The following NHLRC2 variants were observed in gnomAD, a reference collection of about 807,000 sequenced individuals.
NHLRC2 encodes NHL repeat containing 2, also known as NHL repeat-containing protein 2.
A neutral mutation model predicts 68.1 loss-of-function variants in NHLRC2; 33 were observed. That is an observed-to-expected ratio of 0.48 (90% CI 0.37 to 0.65). The LOEUF (loss-of-function observed/expected upper bound fraction) is 0.65. Ranked by LOEUF, NHLRC2 falls within the 30% of genes least tolerant of loss-of-function variation. The pLI, the probability that NHLRC2 is intolerant of heterozygous loss-of-function variation, is 0.00. For synonymous variants in NHLRC2, 311 were observed against 309.6 expected, an observed-to-expected ratio of 1.00 and a Z score of -0.05; for missense variants, 761 against 853.8, an observed-to-expected ratio of 0.89 and a Z score of 1.35.
chr10:113,881,070 G>T (rs1412661332), intron 4 of NHLRC2, among the ~76,000 whole-genome samples: 2 of 151,668 alleles, frequency 1.3e-5, no homozygotes, highest in African/African-American at 2.4e-5. Context: ...GGGAAAAGTG[G>T]TTTTTTAAAT....
In NHLRC2 at chr10:113,910,707, A is replaced by T. The variant is rs998300017; in HGVS notation, c.*2171A>T. 5 of 152,212 alleles carry T rather than the reference A, an allele frequency of 3.3e-5. No individual in the cohort carries two copies. Among genetic ancestry groups the T allele is most frequent in the Non-Finnish European group, 5.9e-5 (4 of 68,034 alleles). The allele number at this position is 152,212 out of a possible 1,614,324, so 9.4% of individuals were successfully genotyped here. ...ATAATATACAAACACAGTGTTTGTT[A>T]TACATGTTCATGTACAGTGAAAATG... On this transcript the variant is annotated 3_prime_UTR_variant, in exon 11 of 11. Transcript: ENST00000369301.
At chr10:113,866,402 A>G (rs1004532173) in intron 2 of NHLRC2, among the ~76,000 whole-genome samples, 2 of 152,294 alleles carry the variant, frequency 1.3e-5, no homozygotes, top group Non-Finnish European at 2.9e-5. Flanking sequence ...CATTAATGGT[A>G]TGTTATTATG....
intron 2 of NHLRC2, among the ~76,000 whole-genome samples, chr10:113,866,414 A>G (rs959866328): frequency 2.0e-5 from 3 of 152,192 alleles, no homozygotes; most frequent in Admixed American, 2.0e-4. Flanking sequence ...GTTATTATGT[A>G]GTACTGAAAT....
At chr10:113,887,301 C>A (rs930689395) in intron 5 of NHLRC2, among the ~76,000 whole-genome samples, 6 of 152,070 alleles carry the variant, frequency 3.9e-5, no homozygotes, top group African/African-American at 1.4e-4. Flanking sequence ...ATGGAGGTGG[C>A]TGAAAAAACT....
rs1846363696 is a variant in NHLRC2, at chr10:113,914,572, TG to T, written c.*6037del. On this transcript the variant is annotated 3_prime_UTR_variant, in exon 11 of 11. Transcript: ENST00000369301. ...CAGACTTAACTTTTCATTCTTAGTGTGCTAATTAAGTAGTAGTATGGTGCAG... is the reference window on the plus strand; with the variant it reads ...CAGACTTAACTTTTCATTCTTAGTGTCTAATTAAGTAGTAGTATGGTGCAG... 1 of 192,442 alleles carries T rather than the reference TG, an allele frequency of 5.2e-6. No homozygotes were observed. The highest frequency in any genetic ancestry group is 5.4e-5 in the Admixed American group (1 of 18,530). 11.9% of individuals were successfully genotyped at this position (192,442 alleles called of 1,614,324 possible).
At chr10:113,896,650 A>G (rs1398293403) in intron 5 of NHLRC2, among the ~76,000 whole-genome samples, 1 of 152,106 alleles carries the variant, frequency 6.6e-6, no homozygotes, top group Non-Finnish European at 1.5e-5. Context: ...CATGTACCCT[A>G]AAACTTAAAG....
At chr10:113,861,621 CATT>C (rs369502519) in intron 2 of NHLRC2, among the ~76,000 whole-genome samples, 16 of 152,232 alleles carry the variant, frequency 1.1e-4, no homozygotes, top group African/African-American at 3.6e-4. Context: ...TAAGGGAGTT[CATT>C]AATAGACCTG....
chr10:113,877,808 GTTATTC>G (rs1317935575), intron 3 of NHLRC2, among the ~76,000 whole-genome samples: 3 of 152,138 alleles, frequency 2.0e-5, no homozygotes, highest in African/African-American at 4.8e-5. Flanking sequence ...ATGCCCTGAT[GTTATTC>G]TTAATATACC....
chr10:113,879,599 A>G lies in NHLRC2; in HGVS notation c.813A>G (p.Gly271=). 6.2e-7 allele frequency: 1 copy of G among 1,602,016 alleles called. No homozygotes were observed. Among genetic ancestry groups the G allele is most frequent in the East Asian group, 2.3e-5 (1 of 44,298 alleles). The change falls in exon 4 of 11, where the codon GGA becomes GGG. Residue 271 remains glycine, a synonymous_variant. Coordinates refer to ENST00000369301, the MANE Select transcript of NHLRC2 (RefSeq NM_198514.4). ...IGGPNPGRKD[G]IFSESTFNSP... is the part of the protein sequence containing the mutation. ...GACCCAACCCTGGAAGAAAAGATGG[A>G]ATATTTTCAGAATCAACTTTTAATT...
At chr10:113,885,983 T>C (rs1174137183) in intron 5 of NHLRC2, among the ~76,000 whole-genome samples, 1 of 152,056 alleles carries the variant, frequency 6.6e-6, no homozygotes, top group Non-Finnish European at 1.5e-5. Flanking sequence ...TGATTTTATA[T>C]GTAGAAAATC....
At chr10:113,880,079 T>C (rs932420981) in intron 4 of NHLRC2, among the ~76,000 whole-genome samples, 12 of 152,102 alleles carry the variant, frequency 7.9e-5, no homozygotes, top group African/African-American at 2.7e-4. Context: ...TTTTATGCTT[T>C]GGCTGGAAAT....
chr10:113,904,652 G>A (rs1403507291), intron 9 of NHLRC2, among the ~76,000 whole-genome samples, 165 bp from the exon 10 acceptor site: 3 of 152,038 alleles, frequency 2.0e-5, no homozygotes, highest in South Asian at 2.1e-4. Flanking sequence ...CTGTGTCTAC[G>A]AAAATAATCT....
intron 2 of NHLRC2, among the ~76,000 whole-genome samples, chr10:113,868,689 AAAT>A (rs1564851343): frequency 6.6e-6 from 1 of 152,244 alleles, no homozygotes; most frequent in African/African-American, 2.4e-5. Flanking sequence ...GCATATAATT[AAAT>A]AATCATACAT....
rs1846296068 is a variant in NHLRC2 at position 113,908,600 on chromosome 10, A to G, written c.*64A>G. ...GTCTCCCATCCTGACTATCACTGTAATTTAAGGAAAGAAAACTTCAGTTCT... is the reference window on the plus strand; with the variant it reads ...GTCTCCCATCCTGACTATCACTGTAGTTTAAGGAAAGAAAACTTCAGTTCT... On this transcript the variant is annotated 3_prime_UTR_variant, in exon 11 of 11. Coordinates refer to ENST00000369301, the MANE Select transcript of NHLRC2 (RefSeq NM_198514.4). The G allele has an allele frequency of 1.3e-6, 2 of 1,550,928 alleles. No individual in the cohort carries two copies. Among genetic ancestry groups the G allele is most frequent in the Non-Finnish European group, 1.8e-6 (2 of 1,132,608 alleles).
Position 113,917,189 on chromosome 10 carries a change from C to G in NHLRC2, c.*8653C>G, listed in dbSNP as rs150320447. ...GTGAAATAGATTAAATATTTTCTCT[C>G]TAAAACCATGTTTCTGTTTTAATGT... On this transcript the variant is annotated 3_prime_UTR_variant, in exon 11 of 11. Coordinates refer to ENST00000369301, the MANE Select transcript of NHLRC2 (RefSeq NM_198514.4). 1.3e-4 allele frequency: 20 copies of G among 152,208 alleles called. No homozygotes were observed. The highest frequency in any genetic ancestry group is 4.8e-4 in the African/African-American group (20 of 41,542). The allele number at this position is 152,208 out of a possible 1,614,324, so 9.4% of individuals were successfully genotyped here. A position where few individuals can be genotyped will look rare whatever the true frequency, so the allele number is the denominator to read the frequency against.
In NHLRC2 at chr10:113,904,928, G is replaced by T. The variant is rs757540255; in HGVS notation, c.1816G>T (p.Val606Leu). 3.1e-6 allele frequency: 5 copies of T among 1,604,438 alleles called. No individual in the cohort carries two copies. Among genetic ancestry groups the T allele is most frequent in the Non-Finnish European group, 4.3e-6 (5 of 1,176,354 alleles). Residue 606 changes from valine to leucine, a missense_variant, in exon 10 of 11, where the codon GTG becomes TTG. Val to Leu is a conservative substitution (Grantham distance 32). Transcript: ENST00000369301. ...TGCTCCAAGCATTAGGCTTTCCCCCGTGACTGCGTGTGCTGGCCAGACTCT... is the reference window on the plus strand; with the variant it reads ...TGCTCCAAGCATTAGGCTTTCCCCCTTGACTGCGTGTGCTGGCCAGACTCT... The part of the protein sequence containing the change: ...KSAPSIRLSP[V>L]TACAGQTLQF...
At chr10:113,897,506 G>A (rs1301421654) in intron 5 of NHLRC2, among the ~76,000 whole-genome samples, 1 of 152,144 alleles carries the variant, frequency 6.6e-6, no homozygotes, top group Admixed American at 6.5e-5. Context: ...GAGTGATATT[G>A]CCTCCAAGCA....
intron 5 of NHLRC2, among the ~76,000 whole-genome samples, chr10:113,890,401 A>G (rs968235236): frequency 2.6e-5 from 4 of 152,168 alleles, no homozygotes; most frequent in Admixed American, 6.5e-5. Context: ...CTTTATATGT[A>G]AAGTGTATTT....
At chr10:113,883,496 G>T (rs1846053884) in intron 4 of NHLRC2, among the ~76,000 whole-genome samples, 1 of 151,870 alleles carries the variant, frequency 6.6e-6, no homozygotes, top group Non-Finnish European at 1.5e-5. Context: ...GTGAAATATT[G>T]AATATCATCT....
Sources: allele counts gnomAD v4.1 joint callset (sites outside exome capture counted in the v4.1 genomes callset), GRCh38; gene constraint gnomAD v4.1.1; transcripts MANE v1.5; gene names NCBI Gene and HGNC (gene_info 2026-07-23, HGNC 2026-07-21).